MITF: variants seen among roughly 807,000 people sequenced by gnomAD.
MITF encodes the protein microphthalmia-associated transcription factor.
In MITF, 17 loss-of-function variants were observed where a neutral mutation model predicts 60.5. The observed-to-expected ratio is 0.28, with a 90% confidence interval of 0.19 to 0.42. The LOEUF is 0.42. Among genes scored for constraint, MITF ranks in the 10% least tolerant of loss-of-function variants. MITF has a pLI of 1.00. For synonymous variants in MITF, 260 were observed against 248.5 expected, an observed-to-expected ratio of 1.05 and a Z score of -0.43; for missense variants, 622 against 683.5, an observed-to-expected ratio of 0.91 and a Z score of 1.00.
At chr3:69,842,359 C>A (rs1232728651) in intron 1 of MITF, among the ~76,000 whole-genome samples, 1 of 152,124 alleles carries the variant, frequency 6.6e-6, no homozygotes, top group African/African-American at 2.4e-5. Context: ...CAGATTTATA[C>A]CCTTTAATTT....
At chr3:69,785,810 A>C (rs1393766368) in intron 1 of MITF, among the ~76,000 whole-genome samples, 1 of 152,168 alleles carries the variant, frequency 6.6e-6, no homozygotes, top group African/African-American at 2.4e-5. Context: ...GGAGCAAAAA[A>C]GGAATCGTGG....
At position 69,823,841 on chromosome 3, in the gene MITF, A is replaced by G. The variant is rs1389886955; in HGVS notation, c.105-55293A>G. On this transcript the variant is annotated intron_variant, in intron 1 of 9. Coordinates refer to ENST00000352241, the MANE Select transcript of MITF (RefSeq NM_001354604.2). Reference sequence around the variant, plus strand: ...TAATCCTGCTCTCCTAAGCATACTGAGTGGTAGCCTATGATTTCTTTTGTG... The same window carrying G: ...TAATCCTGCTCTCCTAAGCATACTGGGTGGTAGCCTATGATTTCTTTTGTG... 5.3e-5 allele frequency among the ~76,000 whole-genome samples: 8 copies of G among 152,264 alleles called. No individual in the cohort carries two copies. In the South Asian group the frequency reaches 1.5e-3, roughly 28 times the overall value.
chr3:69,949,635 C>T (rs568645514), intron 6 of MITF, among the ~76,000 whole-genome samples: 4 of 152,296 alleles, frequency 2.6e-5, no homozygotes, highest in African/African-American at 9.6e-5. Context: ...TCTTCAGATG[C>T]CTCCTGTTGT....
intron 1 of MITF, among the ~76,000 whole-genome samples, chr3:69,867,965 A>T (rs147451414): frequency 1.4e-3 from 218 of 152,334 alleles, no homozygotes; most frequent in African/African-American, 4.9e-3. Context: ...GTATTCTTTT[A>T]GGAGAGCACA....
intron 1 of MITF, among the ~76,000 whole-genome samples, chr3:69,877,247 A>G (rs1294103714): frequency 6.6e-6 from 1 of 152,178 alleles, no homozygotes; most frequent in Non-Finnish European, 1.5e-5. Flanking sequence ...ATATTTTGCA[A>G]TTTGTAAAGA....
intron 2 of MITF, among the ~76,000 whole-genome samples, chr3:69,879,745 C>CA (rs2064441294): frequency 6.6e-6 from 1 of 152,104 alleles, no homozygotes; most frequent in South Asian, 2.1e-4. Flanking sequence ...AAATACCTTC[C>CA]ATAGCCACTC....
chr3:69,918,671 C>T (rs894243076), intron 2 of MITF, among the ~76,000 whole-genome samples: 1 of 152,152 alleles, frequency 6.6e-6, no homozygotes, highest in South Asian at 2.1e-4. Context: ...CCTCAGTTTC[C>T]TCATCTGTGA....
At chr3:69,943,378 C>A (rs2066015851) in intron 5 of MITF, among the ~76,000 whole-genome samples, 1 of 152,098 alleles carries the variant, frequency 6.6e-6, no homozygotes, top group Admixed American at 6.6e-5. Context: ...TCCATTTCCT[C>A]TGTGACCTTG....
intron 1 of MITF, among the ~76,000 whole-genome samples, chr3:69,830,626 G>T (rs533987654): frequency 6.2e-4 from 95 of 152,120 alleles, no homozygotes; most frequent in Non-Finnish European, 1.1e-3. Context: ...ATCAAAGTGG[G>T]GATGTTTGTC....
chr3:69,805,033 A>G (rs777142519), intron 1 of MITF, among the ~76,000 whole-genome samples: 1 of 152,220 alleles, frequency 6.6e-6, no homozygotes, highest in Non-Finnish European at 1.5e-5. Context: ...GAGACATGTT[A>G]TAGGAATCAT....
chr3:69,884,515 C>T lies in MITF; in HGVS notation c.354+5132C>T, dbSNP rs115972732. ...GACTTCTCACCCTGTGTCTTGAGAGCAGTTTAATTGGTTCAATGTGTAAGT... is the reference window on the plus strand; with the variant it reads ...GACTTCTCACCCTGTGTCTTGAGAGTAGTTTAATTGGTTCAATGTGTAAGT... On this transcript the variant is annotated intron_variant, in intron 2 of 9. Transcript: ENST00000352241. 8.8e-3 allele frequency among the ~76,000 whole-genome samples: 1,332 copies of T among 152,210 alleles called. 13 individuals are homozygous for T. Among genetic ancestry groups the T allele is most frequent in the African/African-American group, 0.03 (1,249 of 41,542 alleles).
chr3:69,924,424 T>A (rs1316974240), intron 2 of MITF, among the ~76,000 whole-genome samples: 1 of 152,222 alleles, frequency 6.6e-6, no homozygotes, highest in Non-Finnish European at 1.5e-5. Context: ...CATGCTACCA[T>A]AACACTTTTC....
chr3:69,842,024 C>T (rs752217052), intron 1 of MITF, among the ~76,000 whole-genome samples: 2 of 152,148 alleles, frequency 1.3e-5, no homozygotes, highest in African/African-American at 4.8e-5. Flanking sequence ...TTAAATCTCC[C>T]GTTGATGAAT....
chr3:69,821,346 A>G (rs1319375844), intron 1 of MITF, among the ~76,000 whole-genome samples: 1 of 152,086 alleles, frequency 6.6e-6, no homozygotes, highest in East Asian at 1.9e-4. Context: ...AGAGACATTG[A>G]AGTCTTTGTT....
chr3:69,854,180 C>A (rs6793179), intron 1 of MITF, among the ~76,000 whole-genome samples: 47,005 of 151,856 alleles, frequency 0.31, 8,784 homozygotes, highest in Non-Finnish European at 0.42. Flanking sequence ...AATCCCTGGA[C>A]CCACTGACCC....
chr3:69,948,984 G>A (rs1365883448), intron 5 of MITF, 67 bp from the exon 6 acceptor site: 46 of 1,170,746 alleles, frequency 3.9e-5, no homozygotes, highest in Middle Eastern at 1.9e-4. Flanking sequence ...GTAGGATATA[G>A]GTTTTATCTG....
At chr3:69,924,562 C>T (rs907012870) in intron 2 of MITF, among the ~76,000 whole-genome samples, 12 of 152,150 alleles carry the variant, frequency 7.9e-5, no homozygotes, top group African/African-American at 2.7e-4. Flanking sequence ...ATAGAATGAA[C>T]CCTTCGCGTA....
At chr3:69,867,535 C>G (rs762606915) in intron 1 of MITF, among the ~76,000 whole-genome samples, 12 of 151,994 alleles carry the variant, frequency 7.9e-5, no homozygotes, top group Non-Finnish European at 1.5e-4. Context: ...TTACTCACCT[C>G]TATAAAATGT....
chr3:69,844,535 CA>C (rs913030707), intron 1 of MITF, among the ~76,000 whole-genome samples: 13 of 152,166 alleles, frequency 8.5e-5, no homozygotes, highest in African/African-American at 3.1e-4. Flanking sequence ...AAAACCTAGG[CA>C]ATACCATTCA....
Sources: allele counts gnomAD v4.1 joint callset (sites outside exome capture counted in the v4.1 genomes callset), GRCh38; gene constraint gnomAD v4.1.1; transcripts MANE v1.5; gene names NCBI Gene and HGNC (gene_info 2026-07-23, HGNC 2026-07-21).